Variants in LRPPRC observed in about 807,000 individuals in gnomAD.
The protein encoded by LRPPRC is leucine-rich PPR motif-containing protein, mitochondrial.
In LRPPRC, 120 loss-of-function variants were observed where a neutral mutation model predicts 180.3. The ratio of observed to expected loss-of-function variants is 0.67; its 90% CI spans 0.57 to 0.77. LRPPRC has a LOEUF of 0.77. Among genes scored for constraint, LRPPRC ranks in the 30% least tolerant of loss-of-function variants. The pLI is 0.00. For missense variants in LRPPRC, 2,012 were observed against 1,657.2 expected (o/e 1.21, Z -3.72); for synonymous variants, 723 against 600.0 (o/e 1.21, Z -3.00).
In LRPPRC at chr2:43,897,019, A is replaced by AAC. The variant is rs1414894873; in HGVS notation, c.3826-313_3826-312dup. On this transcript the variant is annotated intron_variant, in intron 34 of 37. Transcript: ENST00000260665. ...ACTGCAAAGAAAGAGGAAAAAAAGA[A>AAC]ACATTATTCCTCTCCAATTATACTG... 3.3e-5 allele frequency among the ~76,000 whole-genome samples: 5 copies of AAC among 152,338 alleles called. No individual in the cohort carries two copies. In the South Asian group the frequency reaches 1.0e-3, roughly 32 times the overall value.
intron 27 of LRPPRC, among the ~76,000 whole-genome samples, chr2:43,920,744 G>T (rs1671671667): frequency 6.6e-6 from 1 of 151,504 alleles, no homozygotes; most frequent in Non-Finnish European, 1.5e-5. Flanking sequence ...CACTTCTGTT[G>T]ACTGCCAAAA....
At chr2:43,959,129 TA>T (rs1480096516) in intron 13 of LRPPRC, 11 of 689,626 alleles carry the variant, frequency 1.6e-5, no homozygotes, top group Admixed American at 2.2e-5. Flanking sequence ...GATGATATGA[TA>T]AAAGGAAAAG....
rs367859996 is a variant in LRPPRC, at chr2:43,945,359, C to T, written c.2269G>A (p.Val757Ile). Residue 757 changes from valine to isoleucine, a missense_variant, in exon 22 of 38, where the codon GTA (valine) becomes ATA (isoleucine). Val to Ile is a conservative substitution (Grantham distance 29). Transcript: ENST00000260665. ...TGGAGCTTGCCATGCTTTGCCAATACTCTTACAAGGCCTACATACTTGCCG... is the reference window on the plus strand; with the variant it reads ...TGGAGCTTGCCATGCTTTGCCAATATTCTTACAAGGCCTACATACTTGCCG... ...DTGKYVGLVRVLAKHGKLQDA... is the reference protein window; with the variant it reads ...DTGKYVGLVRILAKHGKLQDA... 2.5e-6 allele frequency: 4 copies of T among 1,612,434 alleles called. No homozygotes were observed. In the African/African-American group the frequency reaches 4.0e-5, roughly 16 times the overall value.
chr2:43,930,344 A>G lies in LRPPRC; in HGVS notation c.2736+3846T>C, dbSNP rs183043715. ...CATGGACGTAGGATGGTACAGAGGA[A>G]CCAATAGAAAACAGAAACTCAGGGC... On this transcript the variant is annotated intron_variant, in intron 25 of 37. Coordinates refer to ENST00000260665, the MANE Select transcript of LRPPRC (RefSeq NM_133259.4). 7.4e-3 allele frequency among the ~76,000 whole-genome samples: 1,126 copies of G among 152,316 alleles called. 2 individuals carry two copies. The highest frequency in any genetic ancestry group is 0.017 in the South Asian group (81 of 4,828).
intron 30 of LRPPRC, among the ~76,000 whole-genome samples, chr2:43,911,732 G>A (rs1380553003): frequency 1.3e-5 from 2 of 151,682 alleles, no homozygotes; most frequent in Admixed American, 1.3e-4. Flanking sequence ...TCACCATGTT[G>A]GCCAGGCTGG....
At chr2:43,990,481 T>C (rs1377537132) in intron 1 of LRPPRC, among the ~76,000 whole-genome samples, 3 of 152,212 alleles carry the variant, frequency 2.0e-5, no homozygotes, top group Non-Finnish European at 4.4e-5. Flanking sequence ...CTCCAACGGC[T>C]TCCAATCATC....
Position 43,982,345 on chromosome 2 carries a change from G to A in LRPPRC, c.239C>T (p.Ser80Phe). 6.2e-7 allele frequency: 1 copy of A among 1,613,556 alleles called. No individual in the cohort carries two copies. Among genetic ancestry groups the A allele is most frequent in the Middle Eastern group, 1.7e-4 (1 of 6,060 alleles). Residue 80 changes from serine to phenylalanine, a missense_variant, in exon 2 of 38, where the codon TCC becomes TTC. Ser to Phe is a radical substitution (Grantham distance 155). Transcript: ENST00000260665. Reference sequence around the variant, plus strand: ...CATTAGAGCCCAATCAAACTGATTGGAAATCTTCCTAGAAGAAAAAGTGGA... The same window carrying A: ...CATTAGAGCCCAATCAAACTGATTGAAAATCTTCCTAGAAGAAAAAGTGGA... ...EESTFSSRKI[S>F]NQFDWALMRL... is the part of the protein sequence containing the mutation.
chr2:43,911,147 TAG>T lies in LRPPRC; in HGVS notation c.3275+1283_3275+1284del, dbSNP rs528818662. Among the ~76,000 whole-genome samples the T allele has an allele frequency of 5.4e-3, 480 of 89,360 alleles. 2 individuals are homozygous for T. The highest frequency in any genetic ancestry group is 0.028 in the African/African-American group (466 of 16,364). The allele number at this position is 89,360 out of a possible 152,430, so 58.6% of individuals were successfully genotyped here. A position where few individuals can be genotyped will look rare whatever the true frequency, so the allele number is the denominator to read the frequency against. On this transcript the variant is annotated intron_variant, in intron 30 of 37. Coordinates refer to ENST00000260665, the MANE Select transcript of LRPPRC (RefSeq NM_133259.4). ...CTAATTAAGGGTATATCGAGTGTTC[TAG>T]ATATATATATATATATATATAAAAT...
At chr2:43,962,069 T>C (rs1435819191) in intron 12 of LRPPRC, among the ~76,000 whole-genome samples, 2 of 152,182 alleles carry the variant, frequency 1.3e-5, no homozygotes, top group Non-Finnish European at 2.9e-5. Flanking sequence ...ATTCCAGCAA[T>C]GAAGGCAACA....
intron 23 of LRPPRC, among the ~76,000 whole-genome samples, chr2:43,935,793 G>A (rs1353180374): frequency 6.6e-6 from 1 of 152,146 alleles, no homozygotes; most frequent in African/African-American, 2.4e-5. Flanking sequence ...TAAAATAAAA[G>A]GACAATGTTA....
Position 43,948,987 on chromosome 2 carries a change from C to T in LRPPRC, c.1736-469G>A, listed in dbSNP as rs113754257. On this transcript the variant is annotated intron_variant, in intron 16 of 37. Transcript: ENST00000260665. ...ATTTTAATAAGCAGATACAGTAATC[C>T]TGTGGAGAGCTGCCTATTAGCCAAT... 6.1e-4 allele frequency among the ~76,000 whole-genome samples: 93 copies of T among 152,072 alleles called. 1 individual carries two copies. Among genetic ancestry groups the T allele is most frequent in the African/African-American group, 2.1e-3 (88 of 41,474 alleles).
intron 23 of LRPPRC, among the ~76,000 whole-genome samples, chr2:43,938,649 T>G (rs1237402880): frequency 6.6e-6 from 1 of 152,138 alleles, no homozygotes; most frequent in Non-Finnish European, 1.5e-5. Context: ...CTCATTTGAG[T>G]CCTCATTCTG....
At chr2:43,978,317 G>A (rs1375974222) in intron 3 of LRPPRC, among the ~76,000 whole-genome samples, 1 of 152,062 alleles carries the variant, frequency 6.6e-6, no homozygotes, top group African/African-American at 2.4e-5. Context: ...TGTATCAAAT[G>A]CCATTATACA....
At chr2:43,906,714 C>T (rs1671078572) in intron 30 of LRPPRC, among the ~76,000 whole-genome samples, 1 of 152,192 alleles carries the variant, frequency 6.6e-6, no homozygotes, top group Admixed American at 6.5e-5. Context: ...ATAAGCTGGG[C>T]AGATTGCAAC....
chr2:43,922,690 C>T (rs773028509), intron 27 of LRPPRC, among the ~76,000 whole-genome samples: 2 of 152,052 alleles, frequency 1.3e-5, no homozygotes, highest in Non-Finnish European at 2.9e-5. Flanking sequence ...ACCCGGGAGG[C>T]GGAGCTTGCA....
Position 43,963,714 on chromosome 2 carries a change from A to G in LRPPRC, c.1370-8T>C. The G allele has an allele frequency of 2.2e-6, 3 of 1,358,084 alleles. No homozygotes were observed. The highest frequency in any genetic ancestry group is 1.2e-5 in the South Asian group (1 of 85,990). The allele number at this position is 1,358,084 out of a possible 1,614,324, so 84.1% of individuals were successfully genotyped here. On this transcript the variant is annotated splice_region_variant and splice_polypyrimidine_tract_variant and intron_variant, in intron 11 of 37. Transcript: ENST00000260665. ...TGAGGATTTCAATTATACCTACCAA[A>G]TAAAATGTAGAAGCACAGAGATAGA...
intron 15 of LRPPRC, 106 bp downstream of exon 15, chr2:43,950,467 G>A (rs1002569600): frequency 1.9e-6 from 2 of 1,029,176 alleles, no homozygotes; most frequent in Non-Finnish European, 1.5e-6. Context: ...CAAAATTTTA[G>A]TAGAAAACCA....
At chr2:43,905,831 A>C in intron 30 of LRPPRC, 51 bp from the exon 31 acceptor site, 1 of 1,108,992 alleles carries the variant, frequency 9.0e-7, no homozygotes, top group Non-Finnish European at 1.4e-6. Flanking sequence ...TTCTGATACG[A>C]TAATAAATGG....
intron 21 of LRPPRC, 29 bp downstream of exon 21, chr2:43,946,084 A>AC: frequency 6.2e-7 from 1 of 1,608,476 alleles, no homozygotes; most frequent in Non-Finnish European, 8.5e-7. Flanking sequence ...ATAAATGTTG[A>AC]CAACTTGTTT....
Sources: allele counts gnomAD v4.1 joint callset (sites outside exome capture counted in the v4.1 genomes callset), GRCh38; gene constraint gnomAD v4.1.1; transcripts MANE v1.5; gene names NCBI Gene and HGNC (gene_info 2026-07-23, HGNC 2026-07-21).